Variants in SPATS2L observed in about 807,000 individuals in gnomAD.
SPATS2L encodes the protein spermatogenesis associated serine rich 2 like, also known as SPATS2-like protein.
In SPATS2L, 30 loss-of-function variants were observed where a neutral mutation model predicts 59.6. That is an observed-to-expected ratio of 0.50 (90% CI 0.38 to 0.68). SPATS2L has a LOEUF of 0.68. SPATS2L is among the 30% of genes least tolerant of loss of function. SPATS2L has a pLI of 0.00. For missense variants in SPATS2L, 615 were observed against 700.0 expected (o/e 0.88, Z 1.37); for synonymous variants, 252 against 263.5 (o/e 0.96, Z 0.42).
At chr2:200,404,279 G>A (rs1180675220) in intron 3 of SPATS2L, among the ~76,000 whole-genome samples, 2 of 152,198 alleles carry the variant, frequency 1.3e-5, no homozygotes, top group Admixed American at 6.5e-5. Context: ...CCAGAGTCCA[G>A]GTGAAAGATA....
intron 2 of SPATS2L, among the ~76,000 whole-genome samples, chr2:200,347,559 A>T (rs1420084178): frequency 6.6e-6 from 1 of 152,154 alleles, no homozygotes; most frequent in African/African-American, 2.4e-5. Flanking sequence ...AGCTGCCTTG[A>T]ACCCATAACT....
chr2:200,328,944 C>T (rs1333290890), intron 1 of SPATS2L, among the ~76,000 whole-genome samples: 1 of 152,174 alleles, frequency 6.6e-6, no homozygotes, highest in African/African-American at 2.4e-5. Flanking sequence ...GGCTCTGGAA[C>T]TTGATTGCCA....
In SPATS2L at chr2:200,470,028, A is replaced by G. The variant is rs755686361; in HGVS notation, c.1060+12A>G. 1.3e-6 allele frequency: 2 copies of G among 1,588,090 alleles called. No homozygotes were observed. Among genetic ancestry groups the G allele is most frequent in the South Asian group, 2.3e-5 (2 of 87,148 alleles). On this transcript the variant is annotated intron_variant, in intron 11 of 12. Coordinates refer to ENST00000409140, the MANE Select transcript of SPATS2L (RefSeq NM_001100423.2). Reference sequence around the variant, plus strand: ...GCTCTGCGGAGAAAGTGAGTTTTGCATATTTGCTGAATAATTCTGTGTGAG... The same window carrying G: ...GCTCTGCGGAGAAAGTGAGTTTTGCGTATTTGCTGAATAATTCTGTGTGAG...
intron 1 of SPATS2L, among the ~76,000 whole-genome samples, chr2:200,309,320 T>C (rs1454622643): frequency 6.6e-6 from 1 of 152,244 alleles, no homozygotes; most frequent in Non-Finnish European, 1.5e-5. Flanking sequence ...GGTTACAGTT[T>C]GGATAGGATG....
Position 200,350,169 on chromosome 2 carries a change from C to T in SPATS2L, c.-23+20689C>T, listed in dbSNP as rs543650472. 2.6e-5 allele frequency among the ~76,000 whole-genome samples: 4 copies of T among 152,196 alleles called. No homozygotes were observed. The East Asian group carries it at 7.7e-4, about 29-fold the overall frequency. On this transcript the variant is annotated intron_variant, in intron 2 of 12. Coordinates refer to ENST00000409140, the MANE Select transcript of SPATS2L (RefSeq NM_001100423.2). ...CTACGGTGAGTGAGGTGGGTCTGTT[C>T]CCCCTCTCAGCCTTCCAGGGGTTCT...
chr2:200,427,818 G>T (rs907271904), intron 6 of SPATS2L, among the ~76,000 whole-genome samples: 1 of 152,124 alleles, frequency 6.6e-6, no homozygotes, highest in Non-Finnish European at 1.5e-5. Context: ...TGTAAAGATA[G>T]AAGAATGATG....
chr2:200,391,660 T>C (rs1259394747), intron 3 of SPATS2L, among the ~76,000 whole-genome samples: 2 of 152,212 alleles, frequency 1.3e-5, no homozygotes, highest in Admixed American at 6.5e-5. Context: ...GCGACTGTGC[T>C]ACATATTTTA....
In SPATS2L at chr2:200,469,692, G is replaced by C. The variant is rs1486206314; in HGVS notation, c.958-222G>C. The C allele has an allele frequency of 1.8e-5, 9 of 491,124 alleles. No individual in the cohort carries two copies. The East Asian group carries it at 3.0e-4, about 16-fold the overall frequency. 30.4% of individuals were successfully genotyped at this position (491,124 alleles called of 1,614,324 possible). On this transcript the variant is annotated intron_variant, in intron 10 of 12. Transcript: ENST00000409140. ...ACATTTCATGTAGGCCCAAACAAGAGAAACACAGGCCCCTCACATATTCCC... is the reference window on the plus strand; with the variant it reads ...ACATTTCATGTAGGCCCAAACAAGACAAACACAGGCCCCTCACATATTCCC...
At chr2:200,311,965 T>G (rs2079206288) in intron 1 of SPATS2L, among the ~76,000 whole-genome samples, 1 of 152,088 alleles carries the variant, frequency 6.6e-6, no homozygotes, top group Admixed American at 6.6e-5. Context: ...CAGGGCCAAT[T>G]TGTTGACTTT....
At chr2:200,403,262 A>G (rs560504454) in intron 3 of SPATS2L, among the ~76,000 whole-genome samples, 1 of 152,328 alleles carries the variant, frequency 6.6e-6, no homozygotes, top group African/African-American at 2.4e-5. Flanking sequence ...CTCTTATAGC[A>G]ACATATTTTA....
At chr2:200,461,887 A>G (rs1323189651) in intron 9 of SPATS2L, among the ~76,000 whole-genome samples, 1 of 152,236 alleles carries the variant, frequency 6.6e-6, no homozygotes, top group African/African-American at 2.4e-5. Flanking sequence ...TCCTTTAGTC[A>G]GGCATCTAAA....
chr2:200,311,154 CCTCAGAGCCTAA>C (rs1472031157), intron 1 of SPATS2L, among the ~76,000 whole-genome samples: 1 of 152,194 alleles, frequency 6.6e-6, no homozygotes, highest in Non-Finnish European at 1.5e-5. Flanking sequence ...ACCATTGGGT[CCTCAGAGCCTAA>C]CTCATAGCCT....
At chr2:200,438,447 G>A (rs1238665718) in intron 6 of SPATS2L, among the ~76,000 whole-genome samples, 1 of 152,102 alleles carries the variant, frequency 6.6e-6, no homozygotes, top group Non-Finnish European at 1.5e-5. Flanking sequence ...TAACTAAATG[G>A]GAACCTACCT....
chr2:200,392,302 T>G (rs145485966), intron 3 of SPATS2L, among the ~76,000 whole-genome samples: 23 of 152,256 alleles, frequency 1.5e-4, no homozygotes, highest in African/African-American at 5.5e-4. Flanking sequence ...TAAGCAGTCA[T>G]GCCTATGTAA....
chr2:200,411,186 G>T (rs913509023), intron 3 of SPATS2L, among the ~76,000 whole-genome samples: 5 of 152,038 alleles, frequency 3.3e-5, no homozygotes, highest in Non-Finnish European at 7.4e-5. Context: ...CATGACAGTA[G>T]CTTGTGCTGT....
chr2:200,474,236 A>T (rs990400065), intron 12 of SPATS2L, among the ~76,000 whole-genome samples: 31 of 152,072 alleles, frequency 2.0e-4, no homozygotes, highest in African/African-American at 7.2e-4. Flanking sequence ...AGTCTTCATG[A>T]GCTTTAAGAT....
intron 2 of SPATS2L, among the ~76,000 whole-genome samples, chr2:200,375,777 C>A (rs2081578639): frequency 6.6e-6 from 1 of 152,090 alleles, no homozygotes; most frequent in South Asian, 2.1e-4. Context: ...CAGGCACATG[C>A]AACCACACCT....
intron 2 of SPATS2L, among the ~76,000 whole-genome samples, chr2:200,361,566 C>G (rs985002296): frequency 6.6e-6 from 1 of 152,222 alleles, no homozygotes; most frequent in Non-Finnish European, 1.5e-5. Context: ...GGCTTTCTTG[C>G]TGCAGTTTAA....
At chr2:200,325,885 G>A (rs899155729) in intron 1 of SPATS2L, among the ~76,000 whole-genome samples, 3 of 151,872 alleles carry the variant, frequency 2.0e-5, no homozygotes, top group African/African-American at 7.2e-5. Flanking sequence ...TATCAGAAAA[G>A]CCTCACTTAT....
Sources: gnomAD v4.1 joint callset for allele counts (sites outside exome capture counted in the v4.1 genomes callset) on GRCh38, gnomAD v4.1.1 for gene constraint, MANE v1.5 for transcripts, NCBI Gene and HGNC (gene_info 2026-07-23, HGNC 2026-07-21) for gene names.